The following SLC24A3 variants were observed in gnomAD, a reference collection of about 807,000 sequenced individuals.
The protein encoded by SLC24A3 is solute carrier family 24 member 3, also known as sodium/potassium/calcium exchanger 3.
In SLC24A3, 28 loss-of-function variants were observed where a neutral mutation model predicts 75.8. The observed-to-expected ratio is 0.37, with a 90% confidence interval of 0.27 to 0.51. The LOEUF (loss-of-function observed/expected upper bound fraction) is 0.51. SLC24A3 is among the 20% of genes least tolerant of loss of function. The pLI is 0.94. For missense variants in SLC24A3, 663 were observed against 847.8 expected (o/e 0.78, Z 2.71); for synonymous variants, 372 against 334.1 (o/e 1.11, Z -1.24).
intron 15 of SLC24A3, among the ~76,000 whole-genome samples, chr20:19,704,383 C>T (rs924812705): frequency 6.6e-6 from 1 of 152,278 alleles, no homozygotes; most frequent in Non-Finnish European, 1.5e-5. Context: ...CTTCCAACGC[C>T]TATGTAAGGG....
At chr20:19,618,084 T>C (rs554135718) in intron 6 of SLC24A3, among the ~76,000 whole-genome samples, 2 of 152,244 alleles carry the variant, frequency 1.3e-5, no homozygotes, top group South Asian at 2.1e-4. Flanking sequence ...GAAAGGAGTG[T>C]CAGCCTGTCC....
chr20:19,613,510 T>C (rs376926904), intron 6 of SLC24A3, among the ~76,000 whole-genome samples: 6 of 152,228 alleles, frequency 3.9e-5, no homozygotes, highest in African/African-American at 1.4e-4. Context: ...TGTGTGGCAG[T>C]TGGTTCAGTT....
intron 2 of SLC24A3, among the ~76,000 whole-genome samples, chr20:19,506,190 G>T (rs1285351570): frequency 2.6e-5 from 4 of 152,198 alleles, no homozygotes; most frequent in Admixed American, 6.5e-5. Context: ...TAAAATGCTG[G>T]TTGCCTGTGG....
chr20:19,423,641 G>C (rs1986953069), intron 2 of SLC24A3, among the ~76,000 whole-genome samples: 1 of 152,124 alleles, frequency 6.6e-6, no homozygotes, highest in African/African-American at 2.4e-5. Context: ...GCATCATCCA[G>C]AGCTTGAGCA....
intron 9 of SLC24A3, among the ~76,000 whole-genome samples, chr20:19,679,790 A>C (rs937773189): frequency 6.6e-6 from 1 of 152,242 alleles, no homozygotes; most frequent in African/African-American, 2.4e-5. Flanking sequence ...TAAATATTTT[A>C]AAAATGAGAA....
intron 2 of SLC24A3, among the ~76,000 whole-genome samples, chr20:19,425,571 T>G (rs1055385452): frequency 6.6e-6 from 1 of 152,218 alleles, no homozygotes; most frequent in African/African-American, 2.4e-5. Flanking sequence ...AGGTTCATGG[T>G]GCCAGCTTGT....
At chr20:19,330,477 C>G (rs1289941739) in intron 2 of SLC24A3, among the ~76,000 whole-genome samples, 1 of 152,192 alleles carries the variant, frequency 6.6e-6, no homozygotes, top group Non-Finnish European at 1.5e-5. Flanking sequence ...TGAAAGGGCT[C>G]TCACTGGCCA....
chr20:19,602,936 C>T (rs367744019), intron 6 of SLC24A3, among the ~76,000 whole-genome samples: 6 of 152,296 alleles, frequency 3.9e-5, no homozygotes, highest in African/African-American at 1.4e-4. Flanking sequence ...CTCATCACAC[C>T]CGCACCGTGG....
chr20:19,364,826 C>T (rs932911212), intron 2 of SLC24A3, among the ~76,000 whole-genome samples: 1 of 152,136 alleles, frequency 6.6e-6, no homozygotes, highest in African/African-American at 2.4e-5. Flanking sequence ...CCACCCAGAC[C>T]TCAGGTTTTC....
chr20:19,250,172 A>C (rs966942085), intron 1 of SLC24A3, among the ~76,000 whole-genome samples: 2 of 152,224 alleles, frequency 1.3e-5, no homozygotes, highest in Non-Finnish European at 2.9e-5. Flanking sequence ...CCAGTGCCTT[A>C]AATTGCTGTC....
intron 6 of SLC24A3, among the ~76,000 whole-genome samples, chr20:19,629,777 C>T (rs900964170): frequency 7.2e-5 from 11 of 152,128 alleles, no homozygotes; most frequent in African/African-American, 1.2e-4. Context: ...AAAAAACTGA[C>T]GGCCAAGAAT....
At chr20:19,407,937 GA>G (rs1370997234) in intron 2 of SLC24A3, among the ~76,000 whole-genome samples, 1 of 152,190 alleles carries the variant, frequency 6.6e-6, no homozygotes, top group African/African-American at 2.4e-5. Context: ...CAGTTCTAAG[GA>G]AACCTTGTGG....
intron 1 of SLC24A3, among the ~76,000 whole-genome samples, chr20:19,280,613 C>A (rs767298340): frequency 1.3e-5 from 2 of 152,198 alleles, no homozygotes; most frequent in Non-Finnish European, 2.9e-5. Context: ...CTTTTCTCCC[C>A]CTTCGAGATT....
intron 2 of SLC24A3, among the ~76,000 whole-genome samples, chr20:19,320,011 A>G (rs1163588624): frequency 6.6e-6 from 1 of 152,182 alleles, no homozygotes; most frequent in African/African-American, 2.4e-5. Flanking sequence ...ACTTCTCAGC[A>G]GCTGCAGCAT....
At chr20:19,448,025 C>T (rs1469289510) in intron 2 of SLC24A3, among the ~76,000 whole-genome samples, 2 of 152,240 alleles carry the variant, frequency 1.3e-5, no homozygotes, top group East Asian at 1.9e-4. Context: ...TGAGCTCGCT[C>T]TTCCCAGAAC....
At chr20:19,447,545 G>T (rs1987407689) in intron 2 of SLC24A3, among the ~76,000 whole-genome samples, 1 of 152,090 alleles carries the variant, frequency 6.6e-6, no homozygotes, top group South Asian at 2.1e-4. Flanking sequence ...TTAAAAAATG[G>T]CGACACATAT....
chr20:19,694,959 G>A (rs1320541270), intron 13 of SLC24A3: 2 of 152,228 alleles, frequency 1.3e-5, no homozygotes, highest in Non-Finnish European at 2.9e-5. Context: ...GGTTTGGCCA[G>A]GACGCTGGTA....
intron 2 of SLC24A3, among the ~76,000 whole-genome samples, chr20:19,393,059 A>G (rs1986393406): frequency 6.6e-6 from 1 of 152,196 alleles, no homozygotes; most frequent in Admixed American, 6.5e-5. Flanking sequence ...AAGTAGTTCA[A>G]TCATGATCTG....
At chr20:19,438,724 T>C (rs778840095) in intron 2 of SLC24A3, among the ~76,000 whole-genome samples, 10 of 152,154 alleles carry the variant, frequency 6.6e-5, no homozygotes, top group Admixed American at 1.3e-4. Context: ...AATCTGCTCA[T>C]TGGCCTCTGC....
Sources: allele counts gnomAD v4.1 joint callset (sites outside exome capture counted in the v4.1 genomes callset), GRCh38; gene constraint gnomAD v4.1.1; transcripts MANE v1.5; gene names NCBI Gene and HGNC (gene_info 2026-07-23, HGNC 2026-07-21).